GUCY2F: variants seen among roughly 807,000 people sequenced by gnomAD.
The protein encoded by GUCY2F is guanylate cyclase 2F, retinal, also known as retinal guanylyl cyclase 2.
In GUCY2F, 61 loss-of-function variants were observed where a neutral mutation model predicts 73.1. The ratio of observed to expected loss-of-function variants is 0.83; its 90% CI spans 0.68 to 1.03. The LOEUF (loss-of-function observed/expected upper bound fraction) is 1.03, where lower values mean the gene tolerates loss of function less well. Ranked by LOEUF, GUCY2F falls within the 50% of genes least tolerant of loss-of-function variation. The pLI, the probability that GUCY2F is intolerant of heterozygous loss-of-function variation, is 0.00. For missense variants in GUCY2F, 912 were observed against 854.3 expected (o/e 1.07, Z -0.84); for synonymous variants, 331 against 307.8 (o/e 1.08, Z -0.79).
intron 14 of GUCY2F, 29 bp from the exon 15 acceptor site, chrX:109,388,692 A>G (rs368363097): frequency 9.5e-7 from 1 of 1,053,601 alleles, no homozygotes; most frequent in Non-Finnish European, 1.3e-6. Flanking sequence ...AGAATTAGCA[A>G]ACAACTTATT....
chrX:109,387,533 C>T, intron 15 of GUCY2F, among the ~76,000 whole-genome samples: 1 of 112,020 alleles, frequency 8.9e-6, no homozygotes. Flanking sequence ...CATCAGCGTA[C>T]AAGTGGTAGT....
chrX:109,388,745 C>T (rs868413058), intron 14 of GUCY2F, 82 bp from the exon 15 acceptor site: 44 of 601,299 alleles, frequency 7.3e-5, no homozygotes, highest in Non-Finnish European at 9.9e-5. Context: ...ATAATGGAGG[C>T]CAGGTGGTCT....
chrX:109,394,719 A>G (rs1365596438), intron 12 of GUCY2F, among the ~76,000 whole-genome samples: 1 of 110,872 alleles, frequency 9.0e-6, no homozygotes, highest in Non-Finnish European at 1.9e-5. Flanking sequence ...TTCAATCCCC[A>G]CCTCTAGGGA....
At chrX:109,383,879 C>G (rs1446630697) in intron 16 of GUCY2F, among the ~76,000 whole-genome samples, 1 of 112,472 alleles carries the variant, frequency 8.9e-6, no homozygotes, top group Non-Finnish European at 1.9e-5. Flanking sequence ...AAGCTTACAT[C>G]AGTCCAGAAT....
At chrX:109,429,671 G>A (rs1931568374) in intron 8 of GUCY2F, among the ~76,000 whole-genome samples, 1 of 111,883 alleles carries the variant, frequency 8.9e-6, no homozygotes, top group Non-Finnish European at 1.9e-5. Context: ...AGGGACCCAA[G>A]ATAGTATTCA....
At chrX:109,469,955 T>C (rs953056233) in intron 2 of GUCY2F, among the ~76,000 whole-genome samples, 7 of 111,698 alleles carry the variant, frequency 6.3e-5, no homozygotes, top group Non-Finnish European at 1.3e-4. Flanking sequence ...TTTTTGGCCA[T>C]AAGTCCTGAA....
At chrX:109,378,245 A>G (rs1429638206) in intron 17 of GUCY2F, among the ~76,000 whole-genome samples, 1 of 111,715 alleles carries the variant, frequency 9.0e-6, no homozygotes, top group Non-Finnish European at 1.9e-5. Flanking sequence ...TGGAGATTAA[A>G]TGACTTGTCA....
chrX:109,435,733 T>C (rs1401474826), intron 7 of GUCY2F, among the ~76,000 whole-genome samples: 6 of 111,778 alleles, frequency 5.4e-5, no homozygotes, highest in Non-Finnish European at 1.1e-4. Flanking sequence ...CTTCCAGTTT[T>C]TGCCCATTCA....
intron 11 of GUCY2F, among the ~76,000 whole-genome samples, chrX:109,398,218 T>G (rs1288626168): frequency 9.1e-6 from 1 of 110,401 alleles, no homozygotes; most frequent in Non-Finnish European, 1.9e-5. Context: ...AGAAGCATCA[T>G]GAGGGATACT....
chrX:109,392,245 T>A (rs766688915), intron 13 of GUCY2F, 142 bp from the exon 14 acceptor site: 10 of 470,773 alleles, frequency 2.1e-5, no homozygotes, highest in Non-Finnish European at 3.3e-5. Flanking sequence ...GATGAAAACA[T>A]TAATTCGTTC....
intron 2 of GUCY2F, among the ~76,000 whole-genome samples, chrX:109,471,888 A>G (rs1454871201): frequency 8.9e-6 from 1 of 112,119 alleles, no homozygotes; most frequent in African/African-American, 3.2e-5. Context: ...AATGCCTTGT[A>G]AAATGTAGAG....
intron 3 of GUCY2F, among the ~76,000 whole-genome samples, chrX:109,459,851 A>G (rs1164172851): frequency 8.9e-6 from 1 of 111,771 alleles, no homozygotes; most frequent in Non-Finnish European, 1.9e-5. Flanking sequence ...TCTAAGGAAA[A>G]CTTTCAACAT....
intron 7 of GUCY2F, among the ~76,000 whole-genome samples, chrX:109,431,677 C>A (rs779297985): frequency 2.0e-5 from 2 of 98,266 alleles, no homozygotes; most frequent in African/African-American, 7.4e-5. Flanking sequence ...CCAGCCTGAG[C>A]GACAGAGCTA....
chrX:109,471,808 G>A (rs895526208), intron 2 of GUCY2F, among the ~76,000 whole-genome samples: 1 of 111,846 alleles, frequency 8.9e-6, no homozygotes, highest in Non-Finnish European at 1.9e-5. Flanking sequence ...AGACTCACAG[G>A]TATTGTAAAA....
chrX:109,446,244 T>G (rs1300829701), intron 6 of GUCY2F, among the ~76,000 whole-genome samples: 1 of 112,053 alleles, frequency 8.9e-6, no homozygotes, highest in Admixed American at 9.4e-5. Context: ...AAGCTACTGA[T>G]GACTTTCTTC....
chrX:109,398,709 A>G lies in GUCY2F; in HGVS notation c.2126-11T>C, dbSNP rs748218051. 5.2e-5 allele frequency: 62 copies of G among 1,201,227 alleles called. No individual in the cohort carries two copies. In the Admixed American group the frequency reaches 6.4e-4, roughly 12 times the overall value. On this transcript the variant is annotated splice_polypyrimidine_tract_variant and intron_variant, in intron 10 of 19. Transcript: ENST00000218006. ...CCGTCCACAGCAGCTCTAAAAAGAA[A>G]GCATTGTGTAATGAATGCAGGGAGG...
At chrX:109,405,778 C>T (rs1427570861) in intron 9 of GUCY2F, among the ~76,000 whole-genome samples, 1 of 111,581 alleles carries the variant, frequency 9.0e-6, no homozygotes, top group African/African-American at 3.3e-5. Flanking sequence ...CTGGGCTTAG[C>T]TTACAGTGTG....
At chrX:109,441,298 C>T in intron 7 of GUCY2F, 53 bp downstream of exon 7, 1 of 822,925 alleles carries the variant, frequency 1.2e-6, no homozygotes, top group Non-Finnish European at 1.7e-6. Flanking sequence ...AAATCATTGC[C>T]TCATTTTGAA....
At chrX:109,399,144 C>T (rs1474888590) in intron 10 of GUCY2F, among the ~76,000 whole-genome samples, 1 of 112,495 alleles carries the variant, frequency 8.9e-6, no homozygotes, top group Non-Finnish European at 1.9e-5. Context: ...TCCAGGTCTC[C>T]TCTAAAAGGA....
Sources: allele counts gnomAD v4.1 joint callset (sites outside exome capture counted in the v4.1 genomes callset), GRCh38; gene constraint gnomAD v4.1.1; transcripts MANE v1.5; gene names NCBI Gene and HGNC (gene_info 2026-07-23, HGNC 2026-07-21).